KDM4C: variants seen among roughly 807,000 people sequenced by gnomAD.
The protein encoded by KDM4C is lysine demethylase 4C, also known as lysine-specific demethylase 4C.
In KDM4C, 81 loss-of-function variants were observed where a neutral mutation model predicts 129.3. The observed-to-expected ratio is 0.63, with a 90% CI of 0.52 to 0.75. The LOEUF (loss-of-function observed/expected upper bound fraction) is 0.75. KDM4C is among the 30% of genes least tolerant of loss of function. KDM4C has a pLI of 0.00. For synonymous variants in KDM4C, 573 were observed against 456.1 expected, an observed-to-expected ratio of 1.26 and a Z score of -3.26; for missense variants, 1,457 against 1,304.0, an observed-to-expected ratio of 1.12 and a Z score of -1.81.
chr9:6,834,927 G>T, intron 4 of KDM4C: 1 of 1,151,684 alleles, frequency 8.7e-7, no homozygotes, highest in East Asian at 2.3e-5. Context: ...TCCGGTGACG[G>T]GGTCACCCAC....
intron 8 of KDM4C, among the ~76,000 whole-genome samples, chr9:6,919,907 A>G (rs1245165644): frequency 2.6e-5 from 4 of 152,142 alleles, no homozygotes; most frequent in African/African-American, 4.8e-5. Flanking sequence ...TTTAAATACC[A>G]TAGCCTTTTA....
intron 6 of KDM4C, among the ~76,000 whole-genome samples, chr9:6,887,505 C>G (rs1487051090): frequency 6.6e-6 from 1 of 152,192 alleles, no homozygotes; most frequent in Non-Finnish European, 1.5e-5. Flanking sequence ...GGGGGAACTA[C>G]TCTGTCTGCT....
intron 5 of KDM4C, among the ~76,000 whole-genome samples, chr9:6,854,923 A>G (rs926663898): frequency 6.6e-6 from 1 of 151,920 alleles, no homozygotes; most frequent in African/African-American, 2.4e-5. Flanking sequence ...TTATTAAATA[A>G]CCTCCATGCC....
intron 2 of KDM4C, among the ~76,000 whole-genome samples, chr9:6,803,368 C>G (rs886636704): frequency 2.0e-5 from 3 of 151,808 alleles, no homozygotes; most frequent in Admixed American, 6.6e-5. Flanking sequence ...GTCAAGAGAT[C>G]GAGACCATCC....
At chr9:6,903,227 T>C (rs1303523401) in intron 8 of KDM4C, among the ~76,000 whole-genome samples, 4 of 152,256 alleles carry the variant, frequency 2.6e-5, no homozygotes, top group Admixed American at 2.6e-4. Flanking sequence ...TTCAGGGTTG[T>C]CCTTTGATTT....
intron 16 of KDM4C, 31 bp downstream of exon 16, chr9:7,046,948 A>G (rs1217906506): frequency 3.5e-6 from 5 of 1,448,324 alleles, no homozygotes; most frequent in African/African-American, 1.4e-5. Flanking sequence ...GTTGAATTTC[A>G]TTATTTTTCT....
intron 19 of KDM4C, among the ~76,000 whole-genome samples, chr9:7,152,128 A>G (rs2130141227): frequency 6.6e-6 from 1 of 152,346 alleles, no homozygotes; most frequent in South Asian, 2.1e-4. Context: ...GAATTTTTCA[A>G]AGCTGATGAA....
chr9:7,156,541 G>A (rs1843189466), intron 19 of KDM4C, among the ~76,000 whole-genome samples: 1 of 152,154 alleles, frequency 6.6e-6, no homozygotes. Context: ...AAGGTGTAAG[G>A]AAGGGATCCA....
intron 8 of KDM4C, among the ~76,000 whole-genome samples, chr9:6,958,886 G>A (rs778314711): frequency 1.3e-5 from 2 of 151,964 alleles, no homozygotes; most frequent in Admixed American, 6.6e-5. Context: ...GGGCTCAAGC[G>A]ATCCACCTGC....
chr9:6,737,557 G>C (rs1242540767), intron 1 of KDM4C, among the ~76,000 whole-genome samples: 1 of 150,694 alleles, frequency 6.6e-6, no homozygotes, highest in East Asian at 2.0e-4. Flanking sequence ...CCAGTTACTT[G>C]GGAGCCTGAG....
At chr9:6,762,363 G>T (rs1819730309) in intron 1 of KDM4C, among the ~76,000 whole-genome samples, 1 of 151,152 alleles carries the variant, frequency 6.6e-6, no homozygotes, top group Non-Finnish European at 1.5e-5. Flanking sequence ...GTAGAGATGG[G>T]GTCTCAGTGT....
intron 1 of KDM4C, among the ~76,000 whole-genome samples, chr9:6,736,016 G>A (rs1817517335): frequency 6.6e-6 from 1 of 152,154 alleles, no homozygotes; most frequent in Admixed American, 6.6e-5. Flanking sequence ...TGGAGCAAAG[G>A]TGACTCTTGT....
chr9:7,051,314 C>T (rs1057244976), intron 17 of KDM4C, among the ~76,000 whole-genome samples: 1 of 152,116 alleles, frequency 6.6e-6, no homozygotes, highest in African/African-American at 2.4e-5. Flanking sequence ...CACCAAGAGT[C>T]CTCAGGAAGG....
intron 4 of KDM4C, 123 bp from the exon 5 acceptor site, chr9:6,849,377 TTTTTCAG>T (rs1405072135): frequency 4.6e-6 from 3 of 658,226 alleles, no homozygotes; most frequent in Non-Finnish European, 7.1e-6. Context: ...AGTTGTTTTA[TTTTTCAG>T]TTTTCAGTTA....
At chr9:6,918,154 T>C (rs988483683) in intron 8 of KDM4C, among the ~76,000 whole-genome samples, 9 of 152,228 alleles carry the variant, frequency 5.9e-5, no homozygotes, top group Non-Finnish European at 1.2e-4. Context: ...AGGTAGCTTT[T>C]TTTAGCCTTT....
chr9:6,841,344 A>G (rs897989123), intron 4 of KDM4C, among the ~76,000 whole-genome samples: 2 of 152,132 alleles, frequency 1.3e-5, no homozygotes, highest in African/African-American at 2.4e-5. Flanking sequence ...GACAGCAGGA[A>G]ATGGGAAGGA....
chr9:6,769,643 T>C (rs1821348619), intron 1 of KDM4C, among the ~76,000 whole-genome samples: 1 of 152,138 alleles, frequency 6.6e-6, no homozygotes, highest in African/African-American at 2.4e-5. Context: ...GAAGGTTCTT[T>C]TTAATAAGAC....
chr9:6,922,732 G>A (rs924014415), intron 8 of KDM4C, among the ~76,000 whole-genome samples: 4 of 152,250 alleles, frequency 2.6e-5, no homozygotes, highest in African/African-American at 4.8e-5. Context: ...GGGTGGCGGA[G>A]CCAGACCCTG....
intron 17 of KDM4C, among the ~76,000 whole-genome samples, chr9:7,075,295 C>T (rs757601690): frequency 2.0e-5 from 3 of 152,134 alleles, no homozygotes; most frequent in Non-Finnish European, 2.9e-5. Flanking sequence ...TTCAACTGTC[C>T]TGTTTCATCT....
Sources: allele counts gnomAD v4.1 joint callset (sites outside exome capture counted in the v4.1 genomes callset), GRCh38; gene constraint gnomAD v4.1.1; transcripts MANE v1.5; gene names NCBI Gene and HGNC (gene_info 2026-07-23, HGNC 2026-07-21).